TNRC6A: variants seen among roughly 807,000 people sequenced by gnomAD.
TNRC6A encodes trinucleotide repeat containing adaptor 6A.
In TNRC6A, 44 loss-of-function variants were observed where a neutral mutation model predicts 221.2. The ratio of observed to expected loss-of-function variants is 0.20; its 90% CI spans 0.16 to 0.26. The LOEUF is 0.26. Ranked by LOEUF, TNRC6A falls within the 10% of genes least tolerant of loss-of-function variation. TNRC6A has a pLI of 1.00. For missense variants in TNRC6A, 2,199 were observed against 2,404.4 expected (o/e 0.91, Z 1.79); for synonymous variants, 847 against 838.5 (o/e 1.01, Z -0.18).
chr16:24,761,768 C>T (rs964478973), intron 4 of TNRC6A, among the ~76,000 whole-genome samples: 9 of 152,088 alleles, frequency 5.9e-5, no homozygotes, highest in Admixed American at 3.9e-4. Flanking sequence ...TAGACTCACA[C>T]GATCTTCCTG....
intron 2 of TNRC6A, among the ~76,000 whole-genome samples, chr16:24,713,802 A>G (rs1374206659): frequency 6.6e-6 from 1 of 151,680 alleles, no homozygotes; most frequent in African/African-American, 2.4e-5. Flanking sequence ...GTGTGCTACA[A>G]CTCTGTTCAA....
rs2058082988 is a variant in TNRC6A, at chr16:24,790,824, A to G, written c.2182A>G (p.Ile728Val). ...LSNSGWGQTPIKQNTAWDTET... is the reference protein window; with the variant it reads ...LSNSGWGQTPVKQNTAWDTET... ...CAACTCTGGTTGGGGACAGACTCCT[A>G]TTAAGCAGAATACTGCCTGGGATAC... The change falls in exon 6 of 25, where the codon ATT becomes GTT. Residue 728 changes from isoleucine (I) to valine (V), a missense_variant. Ile to Val is a conservative substitution (Grantham distance 29). This residue lies in a region of TNRC6A where 1,405 missense variants were observed against 1,400.2 expected (regional missense o/e 1.00). Coordinates refer to ENST00000395799, the MANE Select transcript of TNRC6A (RefSeq NM_014494.4). 2 of 1,614,186 alleles carry G rather than the reference A, an allele frequency of 1.2e-6. No homozygotes were observed. Among genetic ancestry groups the G allele is most frequent in the South Asian group, 1.1e-5 (1 of 91,086 alleles).
chr16:24,736,291 A>G (rs1037498779), intron 2 of TNRC6A, among the ~76,000 whole-genome samples: 2 of 152,200 alleles, frequency 1.3e-5, no homozygotes, highest in African/African-American at 4.8e-5. Context: ...CTATCGTGAC[A>G]TTGCACACCA....
At chr16:24,722,523 C>T (rs184529070) in intron 2 of TNRC6A, among the ~76,000 whole-genome samples, 162 of 152,118 alleles carry the variant, frequency 1.1e-3, no homozygotes, top group Middle Eastern at 3.4e-3. Flanking sequence ...GTAACCTCCA[C>T]TCCCGGGTTC....
At chr16:24,635,655 G>A (rs141977838) in intron 1 of TNRC6A, among the ~76,000 whole-genome samples, 1 of 152,190 alleles carries the variant, frequency 6.6e-6, no homozygotes, top group East Asian at 1.9e-4. Flanking sequence ...CACATTTGTT[G>A]GTATTCAGGG....
intron 2 of TNRC6A, among the ~76,000 whole-genome samples, chr16:24,742,742 T>C (rs2056919348): frequency 6.6e-6 from 1 of 152,076 alleles, no homozygotes; most frequent in Non-Finnish European, 1.5e-5. Flanking sequence ...TCCAACATGG[T>C]GAAATCTTGT....
rs946318517 is a variant in TNRC6A, at chr16:24,823,298, G to T, written c.5514-134G>T. The T allele has an allele frequency of 1.7e-6, 2 of 1,161,358 alleles. No homozygotes were observed. Among genetic ancestry groups the T allele is most frequent in the African/African-American group, 3.1e-5 (2 of 64,734 alleles). 71.9% of individuals were successfully genotyped at this position (1,161,358 alleles called of 1,614,324 possible). On this transcript the variant is annotated intron_variant, in intron 24 of 24. Transcript: ENST00000395799. The surrounding 1 kb of genome is among the most constrained non-coding windows in gnomAD (Gnocchi z 4.3). ...ACTCGGGTGAAGGGAGGGCACGCAGGTTATGTGGTGTAGTCTCTCCCTCTG... is the reference window on the plus strand; with the variant it reads ...ACTCGGGTGAAGGGAGGGCACGCAGTTTATGTGGTGTAGTCTCTCCCTCTG...
intron 17 of TNRC6A, 98 bp downstream of exon 17, chr16:24,806,882 C>T (rs1273656549): frequency 8.8e-7 from 1 of 1,135,540 alleles, no homozygotes; most frequent in Non-Finnish European, 1.3e-6. Context: ...TTCATGAAAG[C>T]TACATTGATC....
At chr16:24,687,279 T>C (rs1343608159) in intron 2 of TNRC6A, among the ~76,000 whole-genome samples, 1 of 152,188 alleles carries the variant, frequency 6.6e-6, no homozygotes, top group Non-Finnish European at 1.5e-5. Context: ...AGAGATCATG[T>C]GTGCCTCCTT....
chr16:24,691,539 T>G (rs927660366), intron 2 of TNRC6A, among the ~76,000 whole-genome samples: 1 of 151,930 alleles, frequency 6.6e-6, no homozygotes, highest in East Asian at 1.9e-4. Flanking sequence ...GAAGCCAAAG[T>G]GGGCAGATCA....
At chr16:24,804,988 T>C (rs1425225432) in intron 13 of TNRC6A, 26 bp from the exon 14 acceptor site, 2 of 1,614,218 alleles carry the variant, frequency 1.2e-6, no homozygotes, top group Non-Finnish European at 1.7e-6. Context: ...AATCCCACTG[T>C]TACTTGTTGC....
Position 24,702,171 on chromosome 16 carries a change from TTTTCTTTTTTC to T in TNRC6A, n.403-48551_403-48541del, listed in dbSNP as rs1393030358. 2.3e-4 allele frequency among the ~76,000 whole-genome samples: 22 copies of T among 97,402 alleles called. 1 individual carries two copies. The highest frequency in any genetic ancestry group is 1.4e-3 in the South Asian group (4 of 2,928). 63.9% of individuals were successfully genotyped at this position (97,402 alleles called of 152,430 possible). A position where few individuals can be genotyped will look rare whatever the true frequency, so the allele number is the denominator to read the frequency against. On this transcript the variant is annotated intron_variant and non_coding_transcript_variant, in intron 2 of 2. Transcript: ENST00000566108. ...CGTGTAAACTCTTTTTTCTTTTCTT[TTTTCTTTTTTC>T]TTTTTTTTTTTTTGAGGCAGGGTTT...
Position 24,777,053 on chromosome 16 carries a change from CACAGCAGCAGCAGCAACA to C in TNRC6A, c.285_302del (p.Gln98_Gln103del), listed in dbSNP as rs1567457014. Reference sequence around the variant, plus strand: ...CGAGCTACAGCCAACAATCAGCAGCCACAGCAGCAGCAGCAACAGCAGCAGCCGCAGCAGCAGCAGCCA... The same window carrying C: ...CGAGCTACAGCCAACAATCAGCAGCCGCAGCAGCCGCAGCAGCAGCAGCCA... On this transcript the variant is annotated inframe_deletion, in exon 5 of 25. Transcript: ENST00000395799. 1 of 1,613,528 alleles carries C rather than the reference CACAGCAGCAGCAGCAACA, an allele frequency of 6.2e-7. No homozygotes were observed. Among genetic ancestry groups the C allele is most frequent in the Non-Finnish European group, 8.5e-7 (1 of 1,179,774 alleles).
Position 24,797,900 on chromosome 16 carries a change from AT to A in TNRC6A, c.3643-11del. The A allele has an allele frequency of 1.2e-6, 2 of 1,601,180 alleles. No individual in the cohort carries two copies. The highest frequency in any genetic ancestry group is 1.1e-5 in the South Asian group (1 of 87,766). On this transcript the variant is annotated splice_polypyrimidine_tract_variant and intron_variant, in intron 10 of 24. Coordinates refer to ENST00000395799, the MANE Select transcript of TNRC6A (RefSeq NM_014494.4). ...AAATTAAGGTCTGCTAACATGCTGCATTTTCTTTCTTCAGAGAGACTCACCA... is the reference window on the plus strand; with the variant it reads ...AAATTAAGGTCTGCTAACATGCTGCATTTCTTTCTTCAGAGAGACTCACCA...
In TNRC6A at chr16:24,791,045, G is replaced by A. The variant is rs139212478; in HGVS notation, c.2403G>A (p.Gln801=). ...GAGATTCCAAAGGCTCAAACTGCCA[G>A]GGGGGGTGGGAAGATGATTCTGCTG... is the stretch of plus-strand genomic sequence containing the variant. ...RWGDSKGSNC[Q]GGWEDDSAAT... Residue 801 remains glutamine (Q), a synonymous_variant, in exon 6 of 25, where the codon CAG becomes CAA. Coordinates refer to ENST00000395799, the MANE Select transcript of TNRC6A (RefSeq NM_014494.4). The A allele has an allele frequency of 1.5e-3, 2,340 of 1,592,886 alleles. 44 individuals are homozygous for A. In the African/African-American group the frequency reaches 0.027, roughly 19 times the overall value.
chr16:24,730,327 C>A, intron 2 of TNRC6A, 27 bp downstream of exon 2: 2 of 1,601,712 alleles, frequency 1.2e-6, no homozygotes, highest in Non-Finnish European at 1.7e-6. Flanking sequence ...TTCCGTCTCC[C>A]GCCCCACGAT....
intron 5 of TNRC6A, chr16:24,778,290 T>C (rs1477537815): frequency 1.0e-6 from 1 of 985,042 alleles, no homozygotes; most frequent in East Asian, 1.1e-4. Flanking sequence ...CTGTGCTCTC[T>C]TTTATATACC....
chr16:24,720,899 A>T (rs984780604), intron 2 of TNRC6A, among the ~76,000 whole-genome samples: 1 of 150,790 alleles, frequency 6.6e-6, no homozygotes, highest in Admixed American at 6.6e-5. Flanking sequence ...AAAAAAAAAC[A>T]AAAAAATTAG....
At chr16:24,801,856 G>A (rs2058338796) in intron 11 of TNRC6A, among the ~76,000 whole-genome samples, 1 of 152,216 alleles carries the variant, frequency 6.6e-6, no homozygotes, top group Non-Finnish European at 1.5e-5. Context: ...AGAGAGTTAG[G>A]AGAACTGGTT....
Sources: gnomAD v4.1 joint callset for allele counts (sites outside exome capture counted in the v4.1 genomes callset) on GRCh38, gnomAD v4.1.1 for gene constraint, gnomAD v4.1.1 regional missense constraint, Gnocchi (gnomAD v3.1) non-coding constraint, MANE v1.5 for transcripts, NCBI Gene and HGNC (gene_info 2026-07-23, HGNC 2026-07-21) for gene names.